The following ZNF682 variants were observed in gnomAD, a reference collection of about 807,000 sequenced individuals.
ZNF682 encodes the protein zinc finger protein 682.
In ZNF682, 29 loss-of-function variants were observed where a neutral mutation model predicts 36.5. That is an observed-to-expected ratio of 0.80 (90% confidence interval 0.59 to 1.08). The LOEUF (loss-of-function observed/expected upper bound fraction) is 1.08. Among genes scored for constraint, ZNF682 ranks in the 50% least tolerant of loss-of-function variants. The pLI, the probability that ZNF682 is intolerant of heterozygous loss-of-function variation, is 0.00. For synonymous variants in ZNF682, 180 were observed against 197.0 expected, an observed-to-expected ratio of 0.91 and a Z score of 0.72; for missense variants, 561 against 579.7, an observed-to-expected ratio of 0.97 and a Z score of 0.33.
intron 1 of ZNF682, among the ~76,000 whole-genome samples, chr19:20,027,919 A>T (rs529144223): frequency 2.0e-5 from 3 of 152,166 alleles, no homozygotes; most frequent in East Asian, 1.9e-4. Flanking sequence ...AGACTGTCTC[A>T]CACACACAAA....
intron 3 of ZNF682, chr19:20,015,113 T>C: frequency 1.3e-6 from 1 of 758,640 alleles, no homozygotes; most frequent in Non-Finnish European, 1.6e-6. Context: ...GTTATGTATT[T>C]TGCACAATTA....
chr19:20,019,214 G>C (rs2088363212), intron 3 of ZNF682, among the ~76,000 whole-genome samples: 1 of 152,058 alleles, frequency 6.6e-6, no homozygotes, highest in Non-Finnish European at 1.5e-5. Context: ...AAACCCATTA[G>C]GAGAGCCATT....
chr19:20,027,708 G>T (rs11670287), intron 1 of ZNF682, among the ~76,000 whole-genome samples: 72,679 of 151,096 alleles, frequency 0.48, 20,218 homozygotes, highest in South Asian at 0.62. Flanking sequence ...GTGGTGAGCC[G>T]AGATCGCACC....
At chr19:20,004,127 CACTT>C (rs1284967558), downstream of ZNF682, among the ~76,000 whole-genome samples, 3 of 152,182 alleles carry the variant, frequency 2.0e-5, no homozygotes, top group African/African-American at 7.2e-5. Context: ...TCTACATACT[CACTT>C]AAGATTCAGA....
chr19:20,020,737 T>G (rs963192016), intron 3 of ZNF682, among the ~76,000 whole-genome samples: 3 of 152,084 alleles, frequency 2.0e-5, no homozygotes, highest in Non-Finnish European at 2.9e-5. Flanking sequence ...AAAAAAATCA[T>G]GAAATCCTGC....
intron 3 of ZNF682, among the ~76,000 whole-genome samples, chr19:19,997,495 C>T (rs930180185): frequency 6.6e-6 from 1 of 152,170 alleles, no homozygotes; most frequent in Non-Finnish European, 1.5e-5. Context: ...GGCATGGTCA[C>T]CCCAGAGGCA....
At chr19:20,030,427 G>A (rs1029714670) in intron 1 of ZNF682, among the ~76,000 whole-genome samples, 24 of 151,988 alleles carry the variant, frequency 1.6e-4, no homozygotes, top group African/African-American at 5.3e-4. Context: ...GAAATTAGCC[G>A]GGCGTGGTGG....
intron 1 of ZNF682, among the ~76,000 whole-genome samples, chr19:20,035,624 C>T (rs2088522616): frequency 6.6e-6 from 1 of 152,032 alleles, no homozygotes; most frequent in South Asian, 2.1e-4. Flanking sequence ...AATATTAATT[C>T]AGTTAAAATA....
rs370431601 is a variant in ZNF682 at position 20,006,578 on chromosome 19, A to C, written c.924T>G (p.Thr308=). The C allele has an allele frequency of 1.9e-6, 3 of 1,614,050 alleles. No individual in the cohort carries two copies. Among genetic ancestry groups the C allele is most frequent in the Non-Finnish European group, 2.5e-6 (3 of 1,180,028 alleles). The part of the protein sequence containing the change: ...SHLTKHKTIH[T]GKKPYKCKEC... Reference sequence around the variant, plus strand: ...CTTTACATTTGTAGGGTTTCTTTCCAGTGTGAATTGTCTTATGTTTGGTGA... The same window carrying C: ...CTTTACATTTGTAGGGTTTCTTTCCCGTGTGAATTGTCTTATGTTTGGTGA... Residue 308 remains threonine, a synonymous_variant, in exon 4 of 4, where the codon ACT becomes ACG. Transcript: ENST00000397165.
intron 1 of ZNF682, among the ~76,000 whole-genome samples, chr19:20,035,188 G>C (rs754424602): frequency 2.6e-5 from 4 of 152,176 alleles, no homozygotes; most frequent in Non-Finnish European, 5.9e-5. Flanking sequence ...TGATGTGACA[G>C]AGGTGGGGTT....
At chr19:20,000,601 C>G (rs1320308302), downstream of ZNF682, among the ~76,000 whole-genome samples, 1 of 152,176 alleles carries the variant, frequency 6.6e-6, no homozygotes, top group African/African-American at 2.4e-5. Context: ...CTGTCATTTT[C>G]ATACCCAGGT....
chr19:20,039,216 T>G, intron 1 of ZNF682, 127 bp downstream of exon 1: 2 of 1,474,976 alleles, frequency 1.4e-6, no homozygotes, highest in Non-Finnish European at 1.8e-6. Context: ...GAGCTGTGCC[T>G]GCCGGGGACT....
At chr19:20,003,985 TC>T (rs1366352342), downstream of ZNF682, among the ~76,000 whole-genome samples, 1 of 152,192 alleles carries the variant, frequency 6.6e-6, no homozygotes, top group Non-Finnish European at 1.5e-5. Flanking sequence ...GCTTCATAAT[TC>T]CCTTACACTT....
intron 2 of ZNF682, 78 bp downstream of exon 2, chr19:20,024,172 C>A: frequency 9.1e-6 from 14 of 1,546,366 alleles, no homozygotes; most frequent in Non-Finnish European, 1.2e-5. Flanking sequence ...AAGCAGAAAT[C>A]CCCACCAAAC....
At chr19:19,996,638 G>A (rs1266392153), downstream of ZNF682, among the ~76,000 whole-genome samples, 2 of 152,146 alleles carry the variant, frequency 1.3e-5, no homozygotes, top group Non-Finnish European at 2.9e-5. Flanking sequence ...CTATGAGGAT[G>A]CAAAGGCATA....
chr19:20,039,047 C>T, intron 1 of ZNF682: 1 of 1,008,436 alleles, frequency 9.9e-7, no homozygotes, highest in Non-Finnish European at 1.4e-6. Context: ...GCCCTGAGGA[C>T]GCTTCCATTG....
intron 1 of ZNF682, 181 bp from the exon 2 acceptor site, chr19:20,024,557 G>C: frequency 1.3e-6 from 1 of 742,330 alleles, no homozygotes; most frequent in South Asian, 3.1e-5. Flanking sequence ...AATCCATGTG[G>C]CCAGGTTCGG....
intron 1 of ZNF682, among the ~76,000 whole-genome samples, chr19:20,033,091 C>A (rs1422401900): frequency 2.0e-5 from 3 of 152,086 alleles, no homozygotes; most frequent in African/African-American, 7.2e-5. Context: ...CGTGGTGAAA[C>A]CCCGCCTTTA....
intron 3 of ZNF682, 64 bp from the exon 4 acceptor site, chr19:20,007,339 C>G: frequency 1.4e-6 from 2 of 1,392,806 alleles, no homozygotes; most frequent in Non-Finnish European, 1.9e-6. Context: ...ATATACTTTA[C>G]AAATCTAATA....
Sources: allele counts gnomAD v4.1 joint callset (sites outside exome capture counted in the v4.1 genomes callset), GRCh38; gene constraint gnomAD v4.1.1; transcripts MANE v1.5; gene names NCBI Gene and HGNC (gene_info 2026-07-23, HGNC 2026-07-21).